Variants in ITGA8 observed in about 807,000 individuals in gnomAD.
ITGA8 encodes integrin alpha-8.
Under a neutral mutation model 142.3 loss-of-function variants are expected in ITGA8, and 91 were observed. The observed-to-expected ratio is 0.64, with a 90% confidence interval of 0.54 to 0.76. The LOEUF is 0.76. ITGA8 is among the 30% of genes least tolerant of loss of function. ITGA8 has a pLI of 0.00. For synonymous variants in ITGA8, 505 were observed against 485.2 expected (o/e 1.04, Z -0.54); for missense variants, 1,406 against 1,327.7 (o/e 1.06, Z -0.92).
chr10:15,533,796 G>A (rs1157037911), intron 27 of ITGA8, among the ~76,000 whole-genome samples: 1 of 152,198 alleles, frequency 6.6e-6, no homozygotes, highest in East Asian at 1.9e-4. Context: ...ACTCTAGGAT[G>A]TAGAATGTGG....
chr10:15,636,691 T>C (rs11253587), intron 13 of ITGA8, among the ~76,000 whole-genome samples: 27,541 of 152,162 alleles, frequency 0.18, 3,040 homozygotes, highest in Admixed American at 0.29. Context: ...GCCTTGTCTA[T>C]TTTTCATTTA....
At chr10:15,634,750 T>C (rs1397148500) in intron 13 of ITGA8, among the ~76,000 whole-genome samples, 5 of 152,144 alleles carry the variant, frequency 3.3e-5, no homozygotes, top group Non-Finnish European at 5.9e-5. Flanking sequence ...GGATCCCAGA[T>C]TGAATCATGG....
chr10:15,622,797 A>T (rs1387982640), intron 13 of ITGA8, among the ~76,000 whole-genome samples: 2 of 152,220 alleles, frequency 1.3e-5, no homozygotes. Flanking sequence ...AAACATTCTT[A>T]AAAAGATTAC....
chr10:15,708,688 G>A (rs1272074629), intron 2 of ITGA8, among the ~76,000 whole-genome samples: 2 of 152,216 alleles, frequency 1.3e-5, no homozygotes, highest in East Asian at 1.9e-4. Flanking sequence ...GATAGGTGCA[G>A]TTAAGTAAAG....
intron 25 of ITGA8, among the ~76,000 whole-genome samples, chr10:15,567,700 C>T (rs12220813): frequency 0.07 from 10,623 of 152,204 alleles, 403 homozygotes; most frequent in East Asian, 0.12. Context: ...ATCCTCAAGG[C>T]ACTTCCATGC....
chr10:15,536,397 C>G (rs1588630570), intron 27 of ITGA8, among the ~76,000 whole-genome samples: 1 of 152,168 alleles, frequency 6.6e-6, no homozygotes, highest in African/African-American at 2.4e-5. Flanking sequence ...CAAAGATACC[C>G]AAGTTCTGCG....
At chr10:15,717,640 A>G (rs1835477840) in intron 2 of ITGA8, among the ~76,000 whole-genome samples, 1 of 152,232 alleles carries the variant, frequency 6.6e-6, no homozygotes. Flanking sequence ...CAGGCATGAT[A>G]AAAATATAAT....
intron 2 of ITGA8, among the ~76,000 whole-genome samples, chr10:15,701,613 C>T (rs960443729): frequency 7.2e-5 from 11 of 152,080 alleles, no homozygotes; most frequent in Non-Finnish European, 1.0e-4. Context: ...AGGAATTACA[C>T]GAAGTGAGGA....
intron 23 of ITGA8, among the ~76,000 whole-genome samples, chr10:15,577,625 CT>C (rs1564359521): frequency 6.6e-6 from 1 of 152,062 alleles, no homozygotes; most frequent in Non-Finnish European, 1.5e-5. Flanking sequence ...CCGAAGACTA[CT>C]TCAAATCCAG....
chr10:15,616,621 A>C (rs1010116607), intron 13 of ITGA8, 62 bp from the exon 14 acceptor site: 4 of 1,415,116 alleles, frequency 2.8e-6, no homozygotes, highest in Admixed American at 3.3e-5. Flanking sequence ...TACTAAGTTC[A>C]AAATCGTAAG....
At chr10:15,652,879 T>G (rs1411218079) in intron 11 of ITGA8, among the ~76,000 whole-genome samples, 4 of 152,184 alleles carry the variant, frequency 2.6e-5, no homozygotes, top group Admixed American at 6.5e-5. Context: ...TGTGACCATC[T>G]AGAGCTGGTA....
chr10:15,605,862 T>C (rs1406940681), intron 18 of ITGA8, 71 bp from the exon 19 acceptor site: 1 of 1,390,518 alleles, frequency 7.2e-7, no homozygotes, highest in Admixed American at 1.7e-5. Context: ...TTGAAAATTC[T>C]GAATGGTGCC....
At position 15,677,614 on chromosome 10, in the gene ITGA8, T is replaced by A; in HGVS notation, c.654A>T (p.Gly218=). ...FYKNGDLIVG[G]PGSFYWQGQV... is the part of the protein sequence containing the mutation. ...TACCTTGCCAGTAGAAACTCCCAGG[T>A]CCTCCCACAATAAGGTCTCCATTCT... Residue 218 remains glycine, a synonymous_variant, in exon 6 of 30, where the codon GGA becomes GGT. Transcript: ENST00000378076. 1 of 1,613,570 alleles carries A rather than the reference T, an allele frequency of 6.2e-7. No individual in the cohort carries two copies. Among genetic ancestry groups the A allele is most frequent in the Middle Eastern group, 1.7e-4 (1 of 6,054 alleles).
chr10:15,640,973 A>C (rs979736798), intron 13 of ITGA8, among the ~76,000 whole-genome samples: 1 of 152,190 alleles, frequency 6.6e-6, no homozygotes. Flanking sequence ...GGTGTGAGCC[A>C]GATATCTCTT....
chr10:15,701,285 G>A (rs1835158880), intron 2 of ITGA8, among the ~76,000 whole-genome samples: 5 of 152,174 alleles, frequency 3.3e-5, no homozygotes, highest in Non-Finnish European at 7.3e-5. Flanking sequence ...TATTTTCATG[G>A]AGTATATTTC....
chr10:15,678,585 C>G lies in ITGA8; in HGVS notation c.630+137G>C, dbSNP rs138658796. On this transcript the variant is annotated intron_variant, in intron 5 of 29. Transcript: ENST00000378076. Reference sequence around the variant, plus strand: ...AAAAATTTTTTTAGAAAGCATTTGCCCAAACAGGCTAGGTATGTTCCTCAA... The same window carrying G: ...AAAAATTTTTTTAGAAAGCATTTGCGCAAACAGGCTAGGTATGTTCCTCAA... 245 of 536,404 alleles carry G rather than the reference C, an allele frequency of 4.6e-4. 2 individuals carry two copies. In the East Asian group the frequency reaches 6.9e-3, roughly 15 times the overall value. 33.2% of individuals were successfully genotyped at this position (536,404 alleles called of 1,614,324 possible). A position where few individuals can be genotyped will look rare whatever the true frequency, so the allele number is the denominator to read the frequency against.
At chr10:15,569,592 A>G (rs916159777) in intron 25 of ITGA8, among the ~76,000 whole-genome samples, 2 of 152,012 alleles carry the variant, frequency 1.3e-5, no homozygotes, top group African/African-American at 4.8e-5. Context: ...TAACTATACA[A>G]TTTTTTTAAA....
chr10:15,527,714 C>T (rs894943493), intron 28 of ITGA8, among the ~76,000 whole-genome samples: 3 of 151,924 alleles, frequency 2.0e-5, no homozygotes, highest in Admixed American at 6.6e-5. Context: ...GAATTATGAC[C>T]GTGTTGAAAA....
chr10:15,534,106 C>T (rs1330423679), intron 27 of ITGA8, among the ~76,000 whole-genome samples: 3 of 151,930 alleles, frequency 2.0e-5, no homozygotes, highest in East Asian at 3.9e-4. Context: ...GTCAGGGTAT[C>T]TCCATGTTGG....
Sources: allele counts gnomAD v4.1 joint callset (sites outside exome capture counted in the v4.1 genomes callset), GRCh38; gene constraint gnomAD v4.1.1; transcripts MANE v1.5; gene names NCBI Gene and HGNC (gene_info 2026-07-23, HGNC 2026-07-21).